PLCH2: variants seen among roughly 807,000 people sequenced by gnomAD.
The protein encoded by PLCH2 is 1-phosphatidylinositol 4,5-bisphosphate phosphodiesterase eta-2.
A neutral mutation model predicts 134.7 loss-of-function variants in PLCH2; 98 were observed. That is an observed-to-expected ratio of 0.73 (90% CI 0.62 to 0.86). The LOEUF (loss-of-function observed/expected upper bound fraction) is 0.86. PLCH2 is among the 40% of genes least tolerant of loss of function. The pLI, the probability that PLCH2 is intolerant of heterozygous loss-of-function variation, is 0.00. For synonymous variants in PLCH2, 974 were observed against 827.5 expected (o/e 1.18, Z -3.04); for missense variants, 1,994 against 1,986.6 (o/e 1.00, Z -0.07).
Position 2,504,593 on chromosome 1 carries a change from C to G in PLCH2, c.3631C>G (p.Gln1211Glu). The change falls in exon 22 of 22, where the codon CAG becomes GAG. Residue 1211 changes from glutamine to glutamate, a missense_variant. Transcript: ENST00000378486. ...CAACCCCAACCTTCGGGCTACAGGC[C>G]AGCGGCCTCCCATACCTGACGAACT... The part of the protein sequence containing the change: ...KSNPNLRATG[Q>E]RPPIPDELQP... 3 of 1,612,764 alleles carry G rather than the reference C, an allele frequency of 1.9e-6. No individual in the cohort carries two copies. Among genetic ancestry groups the G allele is most frequent in the Non-Finnish European group, 2.5e-6 (3 of 1,179,810 alleles).
chr1:2,468,730 G>A (rs991813999), intron 1 of PLCH2, among the ~76,000 whole-genome samples: 2 of 152,220 alleles, frequency 1.3e-5, no homozygotes, highest in African/African-American at 4.8e-5. Flanking sequence ...TGGACACGTG[G>A]GGTGGGACAT....
chr1:2,422,327 C>T (rs141888973), upstream of PLCH2, among the ~76,000 whole-genome samples: 2 of 152,272 alleles, frequency 1.3e-5, no homozygotes, highest in East Asian at 1.9e-4. Flanking sequence ...AGAAATAACA[C>T]GTTAACATTT....
At chr1:2,459,301 T>C (rs905046431) in intron 2 of PLCH2, among the ~76,000 whole-genome samples, 2 of 146,210 alleles carry the variant, frequency 1.4e-5, no homozygotes, top group African/African-American at 5.5e-5. Flanking sequence ...TCCTTGCCAG[T>C]GGTCCTCCTT....
At chr1:2,473,450 C>T (rs1201215792), upstream of PLCH2, among the ~76,000 whole-genome samples, 1 of 152,242 alleles carries the variant, frequency 6.6e-6, no homozygotes, top group Non-Finnish European at 1.5e-5. Flanking sequence ...GTCTGTCCAC[C>T]CATCCGCCCA....
At chr1:2,476,045 G>A (rs961015055), upstream of PLCH2, among the ~76,000 whole-genome samples, 4 of 152,236 alleles carry the variant, frequency 2.6e-5, no homozygotes, top group African/African-American at 7.2e-5. Context: ...CAGGGTCCTC[G>A]GAGGACAGTA....
In PLCH2 at chr1:2,504,929, C is replaced by T; in HGVS notation, c.3967C>T (p.Pro1323Ser). ...GDITSPTSLG[P>S]AGEGVAGGPG... ...CATCACGTCACCCACCAGCCTGGGC[C>T]CGGCTGGGGAGGGGGTGGCAGGGGG... The change falls in exon 22 of 22, where the codon CCG (proline) becomes TCG (serine). Residue 1323 changes from proline (P) to serine (S), a missense_variant. Around this residue, in one of 2 missense-constraint regions of PLCH2, gnomAD observed 900 missense variants for 752.3 expected, o/e 1.20. Transcript: ENST00000378486. 6.4e-7 allele frequency: 1 copy of T among 1,570,396 alleles called. No individual in the cohort carries two copies. Among genetic ancestry groups the T allele is most frequent in the Non-Finnish European group, 8.6e-7 (1 of 1,157,780 alleles).
intron 19 of PLCH2, 35 bp from the exon 20 acceptor site, chr1:2,499,606 T>C: frequency 6.6e-7 from 1 of 1,506,770 alleles, no homozygotes; most frequent in African/African-American, 1.4e-5. Flanking sequence ...TGGGAGGCTG[T>C]GACCTCATGA....
At chr1:2,466,813 C>T (rs1364963763), upstream of PLCH2, among the ~76,000 whole-genome samples, 4 of 152,162 alleles carry the variant, frequency 2.6e-5, no homozygotes, top group African/African-American at 9.7e-5. Flanking sequence ...AGGACCCCAG[C>T]GCGGGCAGCT....
chr1:2,417,979 G>C, the PLCH2 span, among the ~76,000 whole-genome samples: 3 of 152,222 alleles, frequency 2.0e-5, no homozygotes, highest in South Asian at 6.2e-4. Flanking sequence ...CCCAGCTCAG[G>C]GCTTTGCAGG....
chr1:2,496,662 A>G lies in PLCH2; in HGVS notation c.1891A>G (p.Lys631Glu), dbSNP rs745618205. ...GTCCCGGGCCCTCTCTGACCTGGTG[A>G]AGTACACCAAGTCCGTGGCCACCCA... ...KLSRALSDLV[K>E]YTKSVATHDI... The change falls in exon 14 of 22, where the codon AAG becomes GAG. Residue 631 changes from lysine to glutamate, a missense_variant. Physicochemically the swap from Lys to Glu is moderately conservative, Grantham distance 56 (BLOSUM62 1). Around this residue, in one of 2 missense-constraint regions of PLCH2, gnomAD observed 1,094 missense variants for 1,234.3 expected, o/e 0.89. Coordinates refer to ENST00000378486, the MANE Select transcript of PLCH2 (RefSeq NM_014638.4). The G allele has an allele frequency of 6.2e-7, 1 of 1,612,124 alleles. No homozygotes were observed. The highest frequency in any genetic ancestry group is 1.3e-5 in the African/African-American group (1 of 74,920).
upstream of PLCH2, among the ~76,000 whole-genome samples, chr1:2,471,301 G>A (rs193179999): frequency 2.0e-3 from 302 of 152,318 alleles, no homozygotes; most frequent in African/African-American, 6.9e-3. Flanking sequence ...TGGCCATAGC[G>A]GGCCAGCTGG....
At chr1:2,491,528 C>A (rs948690631) in intron 11 of PLCH2, among the ~76,000 whole-genome samples, 193 bp downstream of exon 11, 4 of 152,260 alleles carry the variant, frequency 2.6e-5, no homozygotes, top group Non-Finnish European at 4.4e-5. Flanking sequence ...CCAGCGGGGT[C>A]TCAAAGCCCA....
In PLCH2 at chr1:2,504,184, C is replaced by T; in HGVS notation, c.3222C>T (p.Ser1074=). The part of the protein sequence containing the change: ...AGGAYERAPG[S]QTDGRSQPRT... The stretch of plus-strand genomic sequence containing the variant: ...GGGCATACGAGAGGGCCCCCGGCAG[C>T]CAGACGGACGGCAGGAGCCAGCCCC... The change falls in exon 22 of 22, where the codon AGC becomes AGT. Residue 1074 remains serine (S), a synonymous_variant. Transcript: ENST00000378486. The T allele has an allele frequency of 6.5e-7, 1 of 1,542,306 alleles. No homozygotes were observed. The highest frequency in any genetic ancestry group is 8.7e-7 in the Non-Finnish European group (1 of 1,145,108).
chr1:2,478,335 G>A (rs567986760), intron 1 of PLCH2, 141 bp from the exon 2 acceptor site: 32 of 1,024,600 alleles, frequency 3.1e-5, no homozygotes, highest in Admixed American at 1.7e-4. Flanking sequence ...GGGCGGGGCC[G>A]GGCGAGGTGA....
the PLCH2 span, among the ~76,000 whole-genome samples, chr1:2,419,894 C>T: frequency 6.6e-6 from 1 of 152,100 alleles, no homozygotes; most frequent in East Asian, 1.9e-4. Flanking sequence ...CTTTCTGCCT[C>T]GGAACTGCTG....
In PLCH2 at chr1:2,496,649, C is replaced by G. The variant is rs781756931; in HGVS notation, c.1878C>G (p.Leu626=). 1.1e-5 allele frequency: 18 copies of G among 1,612,136 alleles called. No homozygotes were observed. Among genetic ancestry groups the G allele is most frequent in the Non-Finnish European group, 1.5e-5 (18 of 1,179,578 alleles). ...AGACCATGAAGCTGTCCCGGGCCCT[C>G]TCTGACCTGGTGAAGTACACCAAGT... is the stretch of plus-strand genomic sequence containing the variant. ...QKKTMKLSRA[L]SDLVKYTKSV... The change falls in exon 14 of 22, where the codon CTC becomes CTG. Residue 626 remains leucine, a synonymous_variant. Transcript: ENST00000378486.
chr1:2,459,821 C>T (rs1196033614), intron 2 of PLCH2, among the ~76,000 whole-genome samples: 6 of 152,262 alleles, frequency 3.9e-5, no homozygotes, highest in South Asian at 4.1e-4. Context: ...GTAATTCACA[C>T]GCAGGACCGG....
At chr1:2,465,112 T>G (rs1390016068), upstream of PLCH2, among the ~76,000 whole-genome samples, 1 of 152,152 alleles carries the variant, frequency 6.6e-6, no homozygotes, top group African/African-American at 2.4e-5. Flanking sequence ...TCTGCCCACC[T>G]ACAGGCCTAG....
chr1:2,489,485 TA>T (rs1642450953), intron 9 of PLCH2, 107 bp downstream of exon 9: 1 of 1,225,046 alleles, frequency 8.2e-7, no homozygotes, highest in Non-Finnish European at 1.2e-6. Context: ...TGGGCATATC[TA>T]GGGGGCTGAG....
Sources: gnomAD v4.1 joint callset for allele counts (sites outside exome capture counted in the v4.1 genomes callset) on GRCh38, gnomAD v4.1.1 for gene constraint, gnomAD v4.1.1 regional missense constraint, MANE v1.5 for transcripts, NCBI Gene and HGNC (gene_info 2026-07-23, HGNC 2026-07-21) for gene names.